FAM167A: variants seen among roughly 807,000 people sequenced by gnomAD.
FAM167A encodes the protein family with sequence similarity 167 member A, also known as protein FAM167A.
A neutral mutation model predicts 14.9 loss-of-function variants in FAM167A; 23 were observed. The ratio of observed to expected loss-of-function variants is 1.55; its 90% confidence interval spans 1.11 to 2.19. FAM167A has a LOEUF of 2.19. Among genes scored for constraint, FAM167A ranks in the 30% most tolerant of loss-of-function variants. The pLI is 0.00. For missense variants in FAM167A, 401 were observed against 281.5 expected, an observed-to-expected ratio of 1.42 and a Z score of -3.04; for synonymous variants, 174 against 117.7, an observed-to-expected ratio of 1.48 and a Z score of -3.10.
At chr8:11,439,456 A>G (rs924813854) in intron 2 of FAM167A, among the ~76,000 whole-genome samples, 1 of 152,242 alleles carries the variant, frequency 6.6e-6, no homozygotes, top group Non-Finnish European at 1.5e-5. Context: ...GTTAACAGGG[A>G]GAGGGCAGCC....
At chr8:11,425,766 A>G (rs1365757532) in intron 2 of FAM167A, among the ~76,000 whole-genome samples, 6 of 152,196 alleles carry the variant, frequency 3.9e-5, no homozygotes, top group Non-Finnish European at 5.9e-5. Context: ...GCAGTAAGGT[A>G]GCAAATTCCT....
chr8:11,443,722 T>C (rs1806582409), intron 2 of FAM167A: 5 of 309,676 alleles, frequency 1.6e-5, no homozygotes, highest in Non-Finnish European at 1.2e-5. Flanking sequence ...GGAGCCAGAC[T>C]CCAGTACTGG....
chr8:11,474,369 A>G (rs541661933), intron 1 of FAM167A, among the ~76,000 whole-genome samples: 2 of 152,170 alleles, frequency 1.3e-5, no homozygotes. Context: ...TTGGAACCTG[A>G]CACCAGCAAA....
intron 1 of FAM167A, among the ~76,000 whole-genome samples, chr8:11,463,581 T>C (rs1362394416): frequency 2.6e-5 from 4 of 152,176 alleles, no homozygotes; most frequent in African/African-American, 9.7e-5. Context: ...GCTCTTTCCA[T>C]ACCTGCCACT....
chr8:11,461,871 C>G (rs1158258026), intron 1 of FAM167A, among the ~76,000 whole-genome samples: 1 of 152,240 alleles, frequency 6.6e-6, no homozygotes, highest in Non-Finnish European at 1.5e-5. Context: ...TCACGGTGTT[C>G]CCTGTGCTTA....
chr8:11,428,851 C>A (rs781378443), intron 2 of FAM167A, among the ~76,000 whole-genome samples: 2 of 152,170 alleles, frequency 1.3e-5, no homozygotes, highest in African/African-American at 2.4e-5. Flanking sequence ...GGAGGTCACT[C>A]TGCTGTAATT....
intron 1 of FAM167A, chr8:11,445,639 C>T: frequency 7.1e-6 from 7 of 982,664 alleles, no homozygotes; most frequent in African/African-American, 1.7e-5. Context: ...AGGCATAAGC[C>T]CCAGCTCCTA....
At chr8:11,429,203 TCA>T (rs1235577212) in intron 2 of FAM167A, among the ~76,000 whole-genome samples, 1 of 152,220 alleles carries the variant, frequency 6.6e-6, no homozygotes, top group Non-Finnish European at 1.5e-5. Context: ...AGAAGTAGAA[TCA>T]CACAGTATTT....
chr8:11,448,592 G>A (rs573761434), intron 1 of FAM167A, among the ~76,000 whole-genome samples: 1 of 152,158 alleles, frequency 6.6e-6, no homozygotes, highest in Non-Finnish European at 1.5e-5. Context: ...GACACCAAAC[G>A]ACACGAAGTC....
In FAM167A at chr8:11,424,199, C is replaced by G; in HGVS notation, c.*174G>C. On this transcript the variant is annotated 3_prime_UTR_variant, in exon 3 of 3. Coordinates refer to ENST00000284486, the MANE Select transcript of FAM167A (RefSeq NM_053279.3). ...GTCACAGAGACACTGGCATCCACAC[C>G]CAGGGCCCCTGGGTGGGAGAGCACC... 2 of 748,234 alleles carry G rather than the reference C, an allele frequency of 2.7e-6. No homozygotes were observed. The highest frequency in any genetic ancestry group is 2.1e-6 in the Non-Finnish European group (1 of 472,890). 46.3% of individuals were successfully genotyped at this position (748,234 alleles called of 1,614,324 possible).
chr8:11,436,712 G>C (rs189585469), intron 2 of FAM167A, among the ~76,000 whole-genome samples: 2 of 152,188 alleles, frequency 1.3e-5, no homozygotes, highest in East Asian at 3.9e-4. Flanking sequence ...AGTGCCCTGG[G>C]GTCACCTGAG....
At chr8:11,445,185 G>C (rs1010144383) in intron 1 of FAM167A, 87 of 985,036 alleles carry the variant, frequency 8.8e-5, no homozygotes, top group Non-Finnish European at 9.8e-5. Flanking sequence ...ACAAGCTCAG[G>C]CTGTCTGAAT....
chr8:11,433,433 T>A (rs555507539), intron 2 of FAM167A, among the ~76,000 whole-genome samples: 2 of 152,330 alleles, frequency 1.3e-5, no homozygotes, highest in African/African-American at 4.8e-5. Flanking sequence ...TCCTGAAGAA[T>A]GTGGCTGTGT....
Position 11,444,694 on chromosome 8 carries a change from A to T in FAM167A, c.-283T>A. On this transcript the variant is annotated 5_prime_UTR_variant, in exon 2 of 3. Coordinates refer to ENST00000284486, the MANE Select transcript of FAM167A (RefSeq NM_053279.3). The stretch of plus-strand genomic sequence containing the variant: ...AGGCAGGAACAGACAGCGTCGCAGG[A>T]ATCTCGGGGCAGCCTGTGCCAAGGT... 1 of 1,211,030 alleles carries T rather than the reference A, an allele frequency of 8.3e-7. No individual in the cohort carries two copies. Among genetic ancestry groups the T allele is most frequent in the Non-Finnish European group, 1.0e-6 (1 of 971,312 alleles). 75.0% of individuals were successfully genotyped at this position (1,211,030 alleles called of 1,614,324 possible).
At chr8:11,439,407 G>A (rs537573818) in intron 2 of FAM167A, among the ~76,000 whole-genome samples, 1 of 152,374 alleles carries the variant, frequency 6.6e-6, no homozygotes, top group South Asian at 2.1e-4. Flanking sequence ...ACATACCAGA[G>A]TCTTGTGCAT....
intron 2 of FAM167A, among the ~76,000 whole-genome samples, chr8:11,429,684 T>C (rs1805441223): frequency 2.0e-5 from 3 of 152,168 alleles, no homozygotes; most frequent in Admixed American, 2.0e-4. Flanking sequence ...TGGAAGACTC[T>C]CCCAGGCTCC....
intron 2 of FAM167A, chr8:11,435,195 G>C (rs890103812): frequency 6.6e-6 from 3 of 451,224 alleles, no homozygotes; most frequent in African/African-American, 6.0e-5. Flanking sequence ...CTGAGGTTCT[G>C]TCCCCTCCCC....
In FAM167A at chr8:11,475,865, C is replaced by T. The variant is rs942535304; in HGVS notation, c.-398+1G>A. On this transcript the variant is annotated splice_donor_variant, in intron 1 of 1. Coordinates refer to the FAM167A transcript ENST00000648766. LOFTEE classifies it low-confidence loss of function (5UTR_SPLICE). ...GGGACACCTGCCACTCCCACACTCA[C>T]CCCTGTGGACGCAGACCTCTTGGTT... Among the ~76,000 whole-genome samples the T allele has an allele frequency of 6.6e-6, 1 of 152,208 alleles. No individual in the cohort carries two copies. Among genetic ancestry groups the T allele is most frequent in the Non-Finnish European group, 1.5e-5 (1 of 68,038 alleles).
chr8:11,470,423 G>C (rs532157147), upstream of FAM167A, among the ~76,000 whole-genome samples: 1 of 152,354 alleles, frequency 6.6e-6, no homozygotes, highest in Non-Finnish European at 1.5e-5. Flanking sequence ...GCAGCAGGCA[G>C]GGAGTAGAGC....
Sources: gnomAD v4.1 joint callset for allele counts (sites outside exome capture counted in the v4.1 genomes callset) on GRCh38, gnomAD v4.1.1 for gene constraint, MANE v1.5 for transcripts, NCBI Gene and HGNC (gene_info 2026-07-23, HGNC 2026-07-21) for gene names.